The following DTNB variants were observed in gnomAD, a reference collection of about 807,000 sequenced individuals.
DTNB encodes the protein dystrobrevin beta.
In DTNB, 63 loss-of-function variants were observed where a neutral mutation model predicts 90.7. The observed-to-expected ratio is 0.69, with a 90% confidence interval of 0.57 to 0.86. The LOEUF is 0.86. Among genes scored for constraint, DTNB ranks in the 40% least tolerant of loss-of-function variants. The pLI, the probability that DTNB is intolerant of heterozygous loss-of-function variation, is 0.00. For synonymous variants in DTNB, 277 were observed against 286.7 expected (o/e 0.97, Z 0.34); for missense variants, 744 against 807.1 (o/e 0.92, Z 0.95).
chr2:25,565,084 G>A (rs978571657), intron 8 of DTNB, among the ~76,000 whole-genome samples: 1 of 152,086 alleles, frequency 6.6e-6, no homozygotes, highest in African/African-American at 2.4e-5. Flanking sequence ...TTTTCAATAT[G>A]GATGCATTTT....
intron 3 of DTNB, among the ~76,000 whole-genome samples, chr2:25,635,040 C>A (rs1254873076): frequency 1.6e-5 from 2 of 126,918 alleles, no homozygotes; most frequent in Non-Finnish European, 3.4e-5. Flanking sequence ...GAGAAACACC[C>A]AAGAATGATC....
chr2:25,386,993 G>A (rs2039652568), intron 18 of DTNB, among the ~76,000 whole-genome samples: 1 of 152,132 alleles, frequency 6.6e-6, no homozygotes, highest in African/African-American at 2.4e-5. Context: ...TGGAAGACGA[G>A]GTAAGTGAGG....
intron 5 of DTNB, among the ~76,000 whole-genome samples, chr2:25,601,843 G>A (rs1366405060): frequency 2.0e-5 from 3 of 152,010 alleles, no homozygotes; most frequent in Non-Finnish European, 4.4e-5. Flanking sequence ...TGCCACTGGC[G>A]GGGTGCGGTG....
intron 8 of DTNB, among the ~76,000 whole-genome samples, chr2:25,543,660 G>T (rs1011584759): frequency 6.6e-6 from 1 of 152,036 alleles, no homozygotes; most frequent in Non-Finnish European, 1.5e-5. Context: ...AAAATTTAAT[G>T]AATTTACTGA....
intron 8 of DTNB, among the ~76,000 whole-genome samples, chr2:25,572,578 T>TCCAGAGGGG (rs2060041986): frequency 1.3e-5 from 2 of 151,676 alleles, no homozygotes; most frequent in African/African-American, 4.8e-5. Context: ...CCAGGTGGGC[T>TCCAGAGGGG]CTGGCATACC....
intron 10 of DTNB, among the ~76,000 whole-genome samples, chr2:25,476,065 A>ATT (rs35073594): frequency 1.6e-5 from 2 of 127,836 alleles, no homozygotes; most frequent in Non-Finnish European, 3.3e-5. Context: ...TCAAGAAGTA[A>ATT]TTTTTTTTTT....
chr2:25,671,454 G>C (rs1390562493), intron 1 of DTNB, among the ~76,000 whole-genome samples: 3 of 152,210 alleles, frequency 2.0e-5, no homozygotes, highest in Non-Finnish European at 4.4e-5. Context: ...CTCTCAACAA[G>C]AGACCTGCTG....
intron 15 of DTNB, among the ~76,000 whole-genome samples, chr2:25,425,511 T>C (rs866178680): frequency 4.1e-4 from 63 of 152,374 alleles, no homozygotes; most frequent in African/African-American, 1.5e-3. Context: ...AAGATCCTTG[T>C]CACTTCGGGC....
intron 10 of DTNB, among the ~76,000 whole-genome samples, chr2:25,462,253 A>C (rs866683822): frequency 6.6e-6 from 1 of 152,132 alleles, no homozygotes; most frequent in African/African-American, 2.4e-5. Flanking sequence ...GGTAGCAGGC[A>C]AGCCATCAGG....
intron 8 of DTNB, among the ~76,000 whole-genome samples, chr2:25,541,918 T>C (rs779335593): frequency 2.6e-5 from 4 of 152,236 alleles, no homozygotes; most frequent in Non-Finnish European, 5.9e-5. Context: ...GCCAATAAAA[T>C]GTTGAATAAA....
intron 2 of DTNB, among the ~76,000 whole-genome samples, chr2:25,645,110 C>T (rs2148881898): frequency 6.6e-6 from 1 of 152,106 alleles, no homozygotes; most frequent in East Asian, 1.9e-4. Context: ...TGGCTGGGTG[C>T]AGTGGCTCAT....
At chr2:25,640,944 T>C (rs929517682) in intron 2 of DTNB, among the ~76,000 whole-genome samples, 8 of 152,250 alleles carry the variant, frequency 5.3e-5, no homozygotes, top group African/African-American at 1.9e-4. Context: ...AGGCGGAGCT[T>C]GCAGTGAGCC....
intron 9 of DTNB, among the ~76,000 whole-genome samples, chr2:25,516,439 G>C (rs1251002787): frequency 2.0e-5 from 3 of 151,996 alleles, no homozygotes; most frequent in Admixed American, 6.5e-5. Context: ...TTTAAGTAGA[G>C]ACGGGGTTTT....
intron 16 of DTNB, among the ~76,000 whole-genome samples, chr2:25,411,915 A>G (rs556277098): frequency 6.6e-6 from 1 of 152,280 alleles, no homozygotes; most frequent in East Asian, 1.9e-4. Context: ...GAAGATTAAG[A>G]GCCACGGAGC....
At chr2:25,582,635 G>A (rs2061722320) in intron 6 of DTNB, among the ~76,000 whole-genome samples, 1 of 152,134 alleles carries the variant, frequency 6.6e-6, no homozygotes, top group Admixed American at 6.5e-5. Context: ...TGGGGGGCGG[G>A]AGGAGCTGAG....
chr2:25,560,187 G>A (rs781434500), intron 8 of DTNB, among the ~76,000 whole-genome samples: 2 of 152,224 alleles, frequency 1.3e-5, no homozygotes, highest in African/African-American at 2.4e-5. Context: ...AGGTTGCGGT[G>A]AGCTGAGATT....
intron 3 of DTNB, among the ~76,000 whole-genome samples, chr2:25,636,174 T>C (rs2077087330): frequency 6.6e-6 from 1 of 152,198 alleles, no homozygotes; most frequent in African/African-American, 2.4e-5. Context: ...TTCATGAATA[T>C]ATTCATATTC....
At chr2:25,419,486 T>G (rs1190674123) in intron 16 of DTNB, 29 bp downstream of exon 16, 2 of 1,554,992 alleles carry the variant, frequency 1.3e-6, no homozygotes, top group East Asian at 2.4e-5. Flanking sequence ...GGAGCGAGAG[T>G]CCGGCGGGAA....
chr2:25,406,907 A>G (rs1192706335), intron 16 of DTNB, among the ~76,000 whole-genome samples: 1 of 152,196 alleles, frequency 6.6e-6, no homozygotes, highest in Non-Finnish European at 1.5e-5. Flanking sequence ...AGAGTCTCCT[A>G]GAATCTCTCT....
Sources: gnomAD v4.1 joint callset for allele counts (sites outside exome capture counted in the v4.1 genomes callset) on GRCh38, gnomAD v4.1.1 for gene constraint, MANE v1.5 for transcripts, NCBI Gene and HGNC (gene_info 2026-07-23, HGNC 2026-07-21) for gene names.